The following DHRS7B variants were observed in gnomAD, a reference collection of about 807,000 sequenced individuals.
DHRS7B encodes peroxisomal reductase activating PPAR-gamma.
A neutral mutation model predicts 26.4 loss-of-function variants in DHRS7B; 24 were observed. The observed-to-expected ratio is 0.91, with a 90% CI of 0.66 to 1.28. The LOEUF is 1.28. Among genes scored for constraint, DHRS7B ranks in the 50% most tolerant of loss-of-function variants. The probability of loss-of-function intolerance (pLI) is 0.00; values close to 1 mark genes in which losing one functional copy is unlikely to be tolerated. For missense variants in DHRS7B, 368 were observed against 419.4 expected, an observed-to-expected ratio of 0.88 and a Z score of 1.07; for synonymous variants, 142 against 166.4, an observed-to-expected ratio of 0.85 and a Z score of 1.13.
intron 3 of DHRS7B, among the ~76,000 whole-genome samples, chr17:21,179,252 T>C (rs1974458631): frequency 6.6e-6 from 1 of 152,212 alleles, no homozygotes; most frequent in Non-Finnish European, 1.5e-5. Flanking sequence ...TTAAAAATGA[T>C]GTTGAGCATC....
rs74362604 is a variant in DHRS7B, at chr17:21,132,986, C to G, written c.20+5995C>G. ...TACGTTGGTTGAAATCTCTTTTCCA[C>G]CATTTGCTAGCCATGTGACTTCACG... On this transcript the variant is annotated intron_variant, in intron 1 of 6. Coordinates refer to ENST00000395511, the MANE Select transcript of DHRS7B (RefSeq NM_015510.5). Among the ~76,000 whole-genome samples the G allele has an allele frequency of 6.9e-3, 1,043 of 152,178 alleles. 15 individuals carry two copies. Among genetic ancestry groups the G allele is most frequent in the African/African-American group, 0.024 (1,000 of 41,524 alleles).
intron 1 of DHRS7B, chr17:21,168,617 C>T: frequency 4.8e-6 from 3 of 628,084 alleles, no homozygotes; most frequent in South Asian, 1.4e-4. Flanking sequence ...GATCCCCCTA[C>T]CTCAGCCTCC....
intron 2 of DHRS7B, among the ~76,000 whole-genome samples, chr17:21,177,590 C>T (rs1042188301): frequency 1.3e-5 from 2 of 152,194 alleles, no homozygotes; most frequent in Middle Eastern, 3.2e-3. Flanking sequence ...AATAGTCCTG[C>T]GTGTGGCAGG....
At position 21,191,330 on chromosome 17, in the gene DHRS7B, C is replaced by T. The variant is rs1412778898; in HGVS notation, c.*177C>T. 3 of 649,062 alleles carry T rather than the reference C, an allele frequency of 4.6e-6. No homozygotes were observed. The highest frequency in any genetic ancestry group is 3.7e-5 in the African/African-American group (2 of 54,708). The allele number at this position is 649,062 out of a possible 1,614,324, so 40.2% of individuals were successfully genotyped here. A position where few individuals can be genotyped will look rare whatever the true frequency, so the allele number is the denominator to read the frequency against. On this transcript the variant is annotated 3_prime_UTR_variant, in exon 7 of 7. Coordinates refer to ENST00000395511, the MANE Select transcript of DHRS7B (RefSeq NM_015510.5). ...GAGGACAATCAAAAACGACAACAAGCTTCTTCCCAGGGTGAGGGGAAACAC... is the reference window on the plus strand; with the variant it reads ...GAGGACAATCAAAAACGACAACAAGTTTCTTCCCAGGGTGAGGGGAAACAC...
At chr17:21,144,506 T>C (rs1360907728) in intron 1 of DHRS7B, among the ~76,000 whole-genome samples, 1 of 152,134 alleles carries the variant, frequency 6.6e-6, no homozygotes, top group Non-Finnish European at 1.5e-5. Context: ...GTTTAAATGG[T>C]GAATATTTGC....
At chr17:21,144,887 T>C (rs1454532736) in intron 1 of DHRS7B, among the ~76,000 whole-genome samples, 4 of 152,168 alleles carry the variant, frequency 2.6e-5, no homozygotes, top group African/African-American at 9.7e-5. Context: ...ACAGATGGGC[T>C]TCAAGAGTTT....
intron 1 of DHRS7B, among the ~76,000 whole-genome samples, chr17:21,141,668 G>C (rs1313894059): frequency 7.9e-6 from 1 of 125,872 alleles, no homozygotes; most frequent in Admixed American, 8.4e-5. Flanking sequence ...CCACAAAGGA[G>C]TTACTACTGC....
chr17:21,153,648 C>G (rs946444766), intron 1 of DHRS7B, among the ~76,000 whole-genome samples: 7 of 152,100 alleles, frequency 4.6e-5, no homozygotes, highest in Non-Finnish European at 1.0e-4. Context: ...GATCAAAGCA[C>G]TGGCAGGTTC....
At chr17:21,172,451 T>A (rs921388640) in intron 2 of DHRS7B, 1 of 9,012 alleles carries the variant, frequency 1.1e-4, no homozygotes. Context: ...TGGGGTGGGG[T>A]GGGGTGGGAT....
intron 1 of DHRS7B, among the ~76,000 whole-genome samples, chr17:21,137,850 G>A (rs1213759949): frequency 7.0e-4 from 94 of 135,068 alleles, no homozygotes; most frequent in African/African-American, 2.5e-3. Flanking sequence ...TGCTTGCCTC[G>A]GCCTCCCATA....
chr17:21,134,350 T>G (rs757851685), intron 1 of DHRS7B, among the ~76,000 whole-genome samples: 23 of 152,182 alleles, frequency 1.5e-4, no homozygotes, highest in Non-Finnish European at 2.9e-4. Context: ...GAATCTCAGA[T>G]AAGACTTTCT....
intron 1 of DHRS7B, among the ~76,000 whole-genome samples, chr17:21,161,725 G>A (rs1001407168): frequency 3.3e-5 from 5 of 152,146 alleles, no homozygotes; most frequent in Non-Finnish European, 7.3e-5. Context: ...AGACACAGCC[G>A]TGTCCTCAGG....
chr17:21,159,714 T>A (rs1379147710), intron 1 of DHRS7B, among the ~76,000 whole-genome samples: 3 of 148,600 alleles, frequency 2.0e-5, no homozygotes, highest in Non-Finnish European at 4.5e-5. Flanking sequence ...TCTGCAAAAA[T>A]TTTTTTAAAG....
chr17:21,127,246 T>G (rs1390328846), intron 1 of DHRS7B: 5 of 472,130 alleles, frequency 1.1e-5, no homozygotes, highest in African/African-American at 6.1e-5. Context: ...GAGTCCAGTT[T>G]CCGCTGCTGG....
chr17:21,165,143 G>C (rs1974082509), intron 1 of DHRS7B, among the ~76,000 whole-genome samples: 1 of 152,140 alleles, frequency 6.6e-6, no homozygotes, highest in African/African-American at 2.4e-5. Flanking sequence ...GAATCTGCCT[G>C]TGTTGCACAG....
chr17:21,154,634 A>G (rs1247748584), intron 1 of DHRS7B, among the ~76,000 whole-genome samples: 3 of 152,258 alleles, frequency 2.0e-5, no homozygotes, highest in Non-Finnish European at 2.9e-5. Flanking sequence ...TGAAGGTAAA[A>G]GAAAAGCATT....
chr17:21,184,545 T>A (rs561781197), intron 5 of DHRS7B, 82 bp downstream of exon 5: 3 of 1,365,124 alleles, frequency 2.2e-6, no homozygotes, highest in Non-Finnish European at 3.1e-6. Flanking sequence ...CTATCTAGAA[T>A]TTAGACATTG....
chr17:21,130,406 A>AT (rs1973203523), intron 1 of DHRS7B, among the ~76,000 whole-genome samples: 1 of 152,126 alleles, frequency 6.6e-6, no homozygotes, highest in Non-Finnish European at 1.5e-5. Flanking sequence ...AAATAAATAA[A>AT]TAAATAAATA....
intron 1 of DHRS7B, among the ~76,000 whole-genome samples, chr17:21,137,577 C>T (rs1014679040): frequency 6.6e-6 from 1 of 152,020 alleles, no homozygotes; most frequent in Admixed American, 6.6e-5. Context: ...CCTGCCTGAG[C>T]CTCCCAAGTA....
Sources: allele counts gnomAD v4.1 joint callset (sites outside exome capture counted in the v4.1 genomes callset), GRCh38; gene constraint gnomAD v4.1.1; transcripts MANE v1.5; gene names NCBI Gene and HGNC (gene_info 2026-07-23, HGNC 2026-07-21).